The following CDH8 variants were observed in gnomAD, a reference collection of about 807,000 sequenced individuals.
The protein encoded by CDH8 is cadherin-8.
Under a neutral mutation model 68.1 loss-of-function variants are expected in CDH8, and 17 were observed. The ratio of observed to expected loss-of-function variants is 0.25; its 90% confidence interval spans 0.17 to 0.37. The LOEUF (loss-of-function observed/expected upper bound fraction) is 0.37, where lower values mean the gene tolerates loss of function less well. CDH8 is among the 10% of genes least tolerant of loss of function. The probability of loss-of-function intolerance (pLI) is 1.00; values close to 1 mark genes in which losing one functional copy is unlikely to be tolerated. For missense variants in CDH8, 763 were observed against 999.3 expected, an observed-to-expected ratio of 0.76 and a Z score of 3.19; for synonymous variants, 372 against 365.1, an observed-to-expected ratio of 1.02 and a Z score of -0.21.
At chr16:61,776,239 C>G (rs1328885860) in intron 8 of CDH8, among the ~76,000 whole-genome samples, 1 of 152,124 alleles carries the variant, frequency 6.6e-6, no homozygotes, top group Non-Finnish European at 1.5e-5. Context: ...TAACAAACTT[C>G]AAATATAGCC....
chr16:61,791,227 T>A lies in CDH8; in HGVS notation c.1278-1745A>T, dbSNP rs190282984. Among the ~76,000 whole-genome samples the A allele has an allele frequency of 5.3e-5, 8 of 152,022 alleles. No individual in the cohort carries two copies. The East Asian group carries it at 1.4e-3, about 26-fold the overall frequency. ...CCAATCCCCAGGATAATTGAAGAAA[T>A]TCAGAGAGAATTTAAGAACTGAGAG... On this transcript the variant is annotated intron_variant, in intron 7 of 11. Transcript: ENST00000577390.
intron 2 of CDH8, chr16:61,934,238 G>A (rs1188900679): frequency 2.0e-5 from 3 of 152,130 alleles, no homozygotes; most frequent in Non-Finnish European, 4.4e-5. Flanking sequence ...GTAGCAATAT[G>A]TTTCAGAAGC....
chr16:61,674,852 A>G (rs903880363), intron 10 of CDH8, among the ~76,000 whole-genome samples: 1 of 151,962 alleles, frequency 6.6e-6, no homozygotes, highest in African/African-American at 2.4e-5. Flanking sequence ...TTGCTTTATC[A>G]ACATATAAAG....
intron 3 of CDH8, among the ~76,000 whole-genome samples, chr16:61,884,457 T>C (rs1037418307): frequency 5.3e-5 from 8 of 150,766 alleles, no homozygotes; most frequent in Non-Finnish European, 8.8e-5. Flanking sequence ...CATTGCAACC[T>C]CTGCCTCCTG....
intron 2 of CDH8, among the ~76,000 whole-genome samples, chr16:61,988,501 A>G (rs917352603): frequency 1.1e-4 from 17 of 152,168 alleles, no homozygotes; most frequent in African/African-American, 3.9e-4. Flanking sequence ...ACCACCCCTG[A>G]TAACACAGCA....
rs367972995 is a variant in CDH8, at chr16:61,886,688, G to A, written c.547+14491C>T. On this transcript the variant is annotated intron_variant, in intron 3 of 11. Coordinates refer to ENST00000577390, the MANE Select transcript of CDH8 (RefSeq NM_001796.5). ...CTGCTCCATTTCCACCCACCTCTGC[G>A]GGTCCTGGCTTTACCCTTTTACTTT... Among the ~76,000 whole-genome samples the A allele has an allele frequency of 2.6e-5, 4 of 152,204 alleles. No homozygotes were observed. The East Asian group carries it at 5.8e-4, about 22-fold the overall frequency.
chr16:61,984,158 TC>T (rs998735301), intron 2 of CDH8, among the ~76,000 whole-genome samples: 1 of 152,044 alleles, frequency 6.6e-6, no homozygotes, highest in African/African-American at 2.4e-5. Flanking sequence ...GACCTGGTGA[TC>T]CGCCCACCTC....
At chr16:61,793,406 C>T (rs932916515) in intron 7 of CDH8, among the ~76,000 whole-genome samples, 1 of 151,894 alleles carries the variant, frequency 6.6e-6, no homozygotes, top group Admixed American at 6.6e-5. Context: ...TCCTCTCCCT[C>T]CTCCCTCCCT....
intron 1 of CDH8, among the ~76,000 whole-genome samples, chr16:62,033,318 G>A (rs143715521): frequency 2.1e-4 from 32 of 152,332 alleles, no homozygotes; most frequent in African/African-American, 7.5e-4. Context: ...TTGTTTTCCA[G>A]TGTAAGGAAT....
chr16:61,832,933 T>C (rs1962491361), intron 4 of CDH8, among the ~76,000 whole-genome samples: 1 of 151,712 alleles, frequency 6.6e-6, no homozygotes, highest in African/African-American at 2.4e-5. Flanking sequence ...GGCACTGGAA[T>C]TGTCCCCCCC....
At chr16:61,757,232 G>A (rs571712527) in intron 8 of CDH8, among the ~76,000 whole-genome samples, 1 of 152,214 alleles carries the variant, frequency 6.6e-6, no homozygotes, top group South Asian at 2.1e-4. Flanking sequence ...CCAAGGACTA[G>A]TTTTATCCAA....
At chr16:61,836,387 A>G (rs1424283948) in intron 4 of CDH8, among the ~76,000 whole-genome samples, 2 of 152,018 alleles carry the variant, frequency 1.3e-5, no homozygotes, top group Non-Finnish European at 2.9e-5. Flanking sequence ...CTTACCCCAA[A>G]ATATTTTTAA....
intron 8 of CDH8, among the ~76,000 whole-genome samples, chr16:61,739,801 G>A (rs1437761846): frequency 1.4e-5 from 2 of 145,976 alleles, no homozygotes; most frequent in African/African-American, 5.0e-5. Flanking sequence ...AACCTAGGGT[G>A]GCCTGACCAA....
chr16:61,850,693 C>A (rs1231157519), intron 4 of CDH8, among the ~76,000 whole-genome samples: 1 of 151,984 alleles, frequency 6.6e-6, no homozygotes, highest in African/African-American at 2.4e-5. Flanking sequence ...TTTCCTCATG[C>A]CAAAAGACCT....
intron 10 of CDH8, among the ~76,000 whole-genome samples, chr16:61,703,733 G>C (rs1245443080): frequency 6.6e-6 from 1 of 152,032 alleles, no homozygotes; most frequent in Non-Finnish European, 1.5e-5. Context: ...CCAGCTACTC[G>C]GGAGGCTGAG....
At chr16:61,859,990 T>A (rs1004872349) in intron 3 of CDH8, among the ~76,000 whole-genome samples, 8 of 152,078 alleles carry the variant, frequency 5.3e-5, no homozygotes, top group African/African-American at 1.9e-4. Context: ...GATTACAGTG[T>A]GCTCCACCAT....
chr16:61,854,741 A>G (rs1963010190), intron 4 of CDH8, among the ~76,000 whole-genome samples: 1 of 152,126 alleles, frequency 6.6e-6, no homozygotes. Context: ...AAAATGTTAA[A>G]CAATGTTCTT....
chr16:61,890,515 T>G (rs763974866), intron 3 of CDH8, among the ~76,000 whole-genome samples: 1 of 152,126 alleles, frequency 6.6e-6, no homozygotes, highest in Non-Finnish European at 1.5e-5. Flanking sequence ...CTAAGAGATA[T>G]AGGTTTCTAA....
chr16:61,780,874 C>G (rs533187211), intron 8 of CDH8, among the ~76,000 whole-genome samples: 1 of 152,288 alleles, frequency 6.6e-6, no homozygotes, highest in East Asian at 1.9e-4. Context: ...TTAAAGTTCT[C>G]AAATTTATGC....
Sources: gnomAD v4.1 joint callset for allele counts (sites outside exome capture counted in the v4.1 genomes callset) on GRCh38, gnomAD v4.1.1 for gene constraint, MANE v1.5 for transcripts, NCBI Gene and HGNC (gene_info 2026-07-23, HGNC 2026-07-21) for gene names.